The following PAN3 variants were observed in gnomAD, a reference collection of about 807,000 sequenced individuals.
PAN3 encodes the protein PAN2-PAN3 deadenylation complex subunit PAN3.
In PAN3, 19 loss-of-function variants were observed where a neutral mutation model predicts 96.2. The observed-to-expected ratio is 0.20, with a 90% CI of 0.14 to 0.29. The LOEUF (loss-of-function observed/expected upper bound fraction) is 0.29, where lower values mean the gene tolerates loss of function less well. Among genes scored for constraint, PAN3 ranks in the 10% least tolerant of loss-of-function variants. The pLI, the probability that PAN3 is intolerant of heterozygous loss-of-function variation, is 1.00. For missense variants in PAN3, 882 were observed against 1,108.1 expected, an observed-to-expected ratio of 0.80 and a Z score of 2.90; for synonymous variants, 433 against 406.6, an observed-to-expected ratio of 1.06 and a Z score of -0.78.
At chr13:28,282,997 C>T (rs958901456) in intron 17 of PAN3, among the ~76,000 whole-genome samples, 3 of 152,000 alleles carry the variant, frequency 2.0e-5, no homozygotes, top group African/African-American at 7.2e-5. Flanking sequence ...TCTACTTTCA[C>T]ACATTATTGA....
intron 6 of PAN3, among the ~76,000 whole-genome samples, chr13:28,249,681 C>T (rs894325973): frequency 1.4e-4 from 22 of 152,140 alleles, no homozygotes; most frequent in African/African-American, 5.3e-4. Flanking sequence ...AACTCCTGAC[C>T]TCAAGGGATC....
intron 6 of PAN3, among the ~76,000 whole-genome samples, chr13:28,246,188 G>A (rs1011446867): frequency 1.3e-5 from 2 of 152,022 alleles, no homozygotes; most frequent in Non-Finnish European, 2.9e-5. Context: ...TTGGCCATTT[G>A]TATGTGTTCT....
rs1870009552 is a variant in PAN3, at chr13:28,293,424, G to T, written c.*902G>T. ...TTTTTTTTTTTTTTTTTTGGGCGGG[G>T]GGGAGGTTTATGAAGTTTTGCTCTT... On this transcript the variant is annotated 3_prime_UTR_variant, in exon 19 of 19. Coordinates refer to ENST00000380958, the MANE Select transcript of PAN3 (RefSeq NM_175854.8). The T allele has an allele frequency of 1.5e-5, 2 of 130,488 alleles. No individual in the cohort carries two copies. The highest frequency in any genetic ancestry group is 3.3e-5 in the African/African-American group (1 of 30,150). The allele number at this position is 130,488 out of a possible 1,614,324, so 8.1% of individuals were successfully genotyped here. A position where few individuals can be genotyped will look rare whatever the true frequency, so the allele number is the denominator to read the frequency against.
At chr13:28,183,993 AC>A (rs1379965898) in intron 4 of PAN3, among the ~76,000 whole-genome samples, 1 of 152,144 alleles carries the variant, frequency 6.6e-6, no homozygotes, top group African/African-American at 2.4e-5. Context: ...ATCAGGCTGT[AC>A]TAAAATTGTC....
intron 8 of PAN3, among the ~76,000 whole-genome samples, chr13:28,260,832 T>C (rs1422890973): frequency 6.6e-6 from 1 of 152,246 alleles, no homozygotes; most frequent in Non-Finnish European, 1.5e-5. Flanking sequence ...CTTTGAAGTA[T>C]ATAAATAATT....
At chr13:28,232,692 A>G (rs1027014787) in intron 6 of PAN3, 2 of 152,164 alleles carry the variant, frequency 1.3e-5, no homozygotes, top group African/African-American at 4.8e-5. Flanking sequence ...ATTGGCATAA[A>G]CACAAATGAT....
chr13:28,209,217 T>A (rs1286435873), intron 5 of PAN3, among the ~76,000 whole-genome samples: 1 of 152,212 alleles, frequency 6.6e-6, no homozygotes, highest in East Asian at 1.9e-4. Flanking sequence ...GAGTGCTGAC[T>A]GTATATACTA....
chr13:28,243,914 C>T (rs1883923952), intron 6 of PAN3, among the ~76,000 whole-genome samples: 1 of 152,180 alleles, frequency 6.6e-6, no homozygotes, highest in Admixed American at 6.5e-5. Context: ...TCTCGAACTC[C>T]TGACCTCGTG....
intron 2 of PAN3, among the ~76,000 whole-genome samples, chr13:28,175,496 G>A (rs1278331842): frequency 2.0e-5 from 3 of 152,130 alleles, no homozygotes; most frequent in Non-Finnish European, 2.9e-5. Flanking sequence ...TCCTCCTGCC[G>A]TGGCCTCCCA....
rs45555134 is a variant in PAN3, at chr13:28,198,968, G to C, written c.852+1622G>C. On this transcript the variant is annotated intron_variant, in intron 5 of 18. Coordinates refer to ENST00000380958, the MANE Select transcript of PAN3 (RefSeq NM_175854.8). Reference sequence around the variant, plus strand: ...TAGTATTTGCTCCAGCTGATATTTTGGTAATATTTTCTAAAGATAAGAAAA... The same window carrying C: ...TAGTATTTGCTCCAGCTGATATTTTCGTAATATTTTCTAAAGATAAGAAAA... Among the ~76,000 whole-genome samples, 593 of 152,122 alleles carry C rather than the reference G, an allele frequency of 3.9e-3. 4 individuals are homozygous for C. The highest frequency in any genetic ancestry group is 0.014 in the African/African-American group (570 of 41,490).
At chr13:28,189,230 A>T (rs181334738) in intron 4 of PAN3, among the ~76,000 whole-genome samples, 30 of 152,176 alleles carry the variant, frequency 2.0e-4, no homozygotes, top group Non-Finnish European at 3.8e-4. Flanking sequence ...AAAAGCTCTC[A>T]GTGTTAGCCA....
At chr13:28,209,366 G>A (rs1018719648) in intron 5 of PAN3, among the ~76,000 whole-genome samples, 3 of 152,164 alleles carry the variant, frequency 2.0e-5, no homozygotes, top group African/African-American at 7.2e-5. Flanking sequence ...GCGTGCATAC[G>A]CATTCCCCCA....
At position 28,291,723 on chromosome 13, in the gene PAN3, C is replaced by T. The variant is rs562064219; in HGVS notation, c.2524-659C>T. ...GCAGGTGCCTATAATCCCAGCTACT[C>T]GGGAGGTTGAGGCAGGAGAATTGCT... On this transcript the variant is annotated intron_variant, in intron 18 of 18. Transcript: ENST00000380958. 1.3e-4 allele frequency among the ~76,000 whole-genome samples: 20 copies of T among 152,052 alleles called. No homozygotes were observed. In the East Asian group the frequency reaches 3.3e-3, roughly 25 times the overall value.
chr13:28,205,102 CG>C (rs1362740778), intron 5 of PAN3, among the ~76,000 whole-genome samples: 1 of 151,732 alleles, frequency 6.6e-6, no homozygotes, highest in African/African-American at 2.4e-5. Flanking sequence ...TTTAAGATCT[CG>C]GGGGCGGTGG....
chr13:28,238,301 A>G (rs1883284613), intron 6 of PAN3, among the ~76,000 whole-genome samples: 1 of 152,244 alleles, frequency 6.6e-6, no homozygotes. Context: ...ATCAGGTGGC[A>G]TTATACAATG....
At chr13:28,267,771 A>G (rs1886306830) in intron 12 of PAN3, among the ~76,000 whole-genome samples, 1 of 152,206 alleles carries the variant, frequency 6.6e-6, no homozygotes, top group East Asian at 1.9e-4. Flanking sequence ...CGAGAACAGT[A>G]TGGGGGAAAT....
At chr13:28,197,133 T>G (rs1878147451) in intron 4 of PAN3, 52 bp from the exon 5 acceptor site, 2 of 1,565,486 alleles carry the variant, frequency 1.3e-6, no homozygotes, top group African/African-American at 2.7e-5. Context: ...TTAGTTTAGA[T>G]TAGTGTGGGG....
intron 1 of PAN3, among the ~76,000 whole-genome samples, chr13:28,142,511 A>ATTTTTTTTTTTTTTTTT (rs74881179): frequency 3.2e-4 from 40 of 126,662 alleles, no homozygotes; most frequent in African/African-American, 1.1e-3. Flanking sequence ...ATAGATGGCA[A>ATTTTTTTTTTTTTTTTT]TTTTTTTTTT....
At chr13:28,222,375 T>G (rs1881504177) in intron 6 of PAN3, among the ~76,000 whole-genome samples, 1 of 152,120 alleles carries the variant, frequency 6.6e-6, no homozygotes, top group African/African-American at 2.4e-5. Flanking sequence ...TTATTCTAGC[T>G]CCTCTTAACA....
Sources: allele counts gnomAD v4.1 joint callset (sites outside exome capture counted in the v4.1 genomes callset), GRCh38; gene constraint gnomAD v4.1.1; transcripts MANE v1.5; gene names NCBI Gene and HGNC (gene_info 2026-07-23, HGNC 2026-07-21).